TRAPPC9: variants seen among roughly 807,000 people sequenced by gnomAD.
The protein encoded by TRAPPC9 is IKK2 binding protein.
A neutral mutation model predicts 124.0 loss-of-function variants in TRAPPC9; 83 were observed. That is an observed-to-expected ratio of 0.67 (90% CI 0.56 to 0.80). The LOEUF (loss-of-function observed/expected upper bound fraction) is 0.80. TRAPPC9 is among the 30% of genes least tolerant of loss of function. The pLI is 0.00. For missense variants in TRAPPC9, 1,302 were observed against 1,508.3 expected (o/e 0.86, Z 2.27); for synonymous variants, 638 against 617.5 (o/e 1.03, Z -0.49).
At chr8:140,361,442 C>A (rs1423979255) in intron 8 of TRAPPC9, among the ~76,000 whole-genome samples, 1 of 152,156 alleles carries the variant, frequency 6.6e-6, no homozygotes, top group Non-Finnish European at 1.5e-5. Context: ...GAGAAGGGGG[C>A]CACGCCAAAC....
chr8:139,798,053 T>G (rs1042567551), intron 21 of TRAPPC9, among the ~76,000 whole-genome samples: 1 of 152,234 alleles, frequency 6.6e-6, no homozygotes, highest in East Asian at 1.9e-4. Flanking sequence ...AGCTGGGATT[T>G]TGACAGAGAT....
rs548802678 is a variant in TRAPPC9, at chr8:140,203,901, G to A, written c.2556+17558C>T. Among the ~76,000 whole-genome samples the A allele has an allele frequency of 2.0e-5, 3 of 152,300 alleles. No individual in the cohort carries two copies. The South Asian group carries it at 6.2e-4, about 32-fold the overall frequency. On this transcript the variant is annotated intron_variant, in intron 17 of 22. Transcript: ENST00000438773. The stretch of plus-strand genomic sequence containing the variant: ...AAGACTAAGAACATCAAGAAAACCC[G>A]AAAGCCCTCCACACAGACAAACTGC...
chr8:140,273,500 G>A lies in TRAPPC9; in HGVS notation c.2278+2158C>T, dbSNP rs1368224373. Among the ~76,000 whole-genome samples the A allele has an allele frequency of 3.9e-5, 6 of 152,170 alleles. No individual in the cohort carries two copies. In the East Asian group the frequency reaches 5.8e-4, roughly 15 times the overall value. On this transcript the variant is annotated intron_variant, in intron 15 of 22. Transcript: ENST00000438773. ...CCGTGTTTTTGTTATTGAAAATGCAGGTGAGGCTTGCAGTGAAGCCTTTCA... is the reference window on the plus strand; with the variant it reads ...CCGTGTTTTTGTTATTGAAAATGCAAGTGAGGCTTGCAGTGAAGCCTTTCA...
intron 19 of TRAPPC9, among the ~76,000 whole-genome samples, chr8:139,938,045 A>T (rs1192873901): frequency 1.3e-5 from 2 of 152,214 alleles, no homozygotes; most frequent in Non-Finnish European, 2.9e-5. Flanking sequence ...TTAATACTGA[A>T]AATGCCACAA....
At chr8:140,382,482 A>G (rs568464689) in intron 7 of TRAPPC9, among the ~76,000 whole-genome samples, 1 of 152,318 alleles carries the variant, frequency 6.6e-6, no homozygotes, top group South Asian at 2.1e-4. Context: ...ACGGCACACC[A>G]GGAGATTATA....
chr8:140,173,567 A>G (rs2062007945), intron 17 of TRAPPC9, among the ~76,000 whole-genome samples: 1 of 151,902 alleles, frequency 6.6e-6, no homozygotes, highest in African/African-American at 2.4e-5. Context: ...AAAAAAAAAA[A>G]AAAAAAATCT....
chr8:140,055,683 C>A (rs1842252063), intron 17 of TRAPPC9, among the ~76,000 whole-genome samples: 1 of 152,162 alleles, frequency 6.6e-6, no homozygotes, highest in Non-Finnish European at 1.5e-5. Flanking sequence ...AACATACAAA[C>A]ATTAGTTACA....
At chr8:139,733,143 G>T (rs1277247245) in intron 21 of TRAPPC9, among the ~76,000 whole-genome samples, 1 of 152,206 alleles carries the variant, frequency 6.6e-6, no homozygotes, top group Admixed American at 6.5e-5. Context: ...GGTCCCGATA[G>T]GAGCTCATTC....
At chr8:139,773,601 C>T (rs1821138878) in intron 21 of TRAPPC9, among the ~76,000 whole-genome samples, 3 of 152,258 alleles carry the variant, frequency 2.0e-5, no homozygotes, top group South Asian at 2.1e-4. Context: ...CACTCCCATG[C>T]CCCACGCCAG....
intron 14 of TRAPPC9, among the ~76,000 whole-genome samples, chr8:140,276,374 G>A (rs1438788158): frequency 6.6e-6 from 1 of 152,182 alleles, no homozygotes; most frequent in Non-Finnish European, 1.5e-5. Context: ...CGTCACATGA[G>A]GGCAGCTGGG....
intron 17 of TRAPPC9, among the ~76,000 whole-genome samples, chr8:140,158,847 A>G (rs1050543816): frequency 2.6e-5 from 4 of 152,182 alleles, no homozygotes; most frequent in African/African-American, 9.6e-5. Flanking sequence ...CTCTTCCCCT[A>G]AAGTTGGAAA....
At chr8:139,779,856 A>G (rs1821674895) in intron 21 of TRAPPC9, among the ~76,000 whole-genome samples, 1 of 152,198 alleles carries the variant, frequency 6.6e-6, no homozygotes, top group Non-Finnish European at 1.5e-5. Context: ...TACAAAAGTC[A>G]ATCGCTTTCC....
In TRAPPC9 at chr8:140,352,995, T is replaced by G. The variant is rs374475973; in HGVS notation, c.1495+7055A>C. ...GACATTGTTAGGCACTTCAGGTGTG[T>G]CATCTCCAATCCTTAAAACAATCCC... On this transcript the variant is annotated intron_variant, in intron 9 of 22. Coordinates refer to ENST00000438773, the MANE Select transcript of TRAPPC9 (RefSeq NM_001160372.4). Among the ~76,000 whole-genome samples, 12 of 152,310 alleles carry G rather than the reference T, an allele frequency of 7.9e-5. No homozygotes were observed. In the South Asian group the frequency reaches 2.1e-3, roughly 26 times the overall value.
chr8:139,961,105 G>A lies in TRAPPC9; in HGVS notation c.2810+27621C>T, dbSNP rs1246607612. Reference sequence around the variant, plus strand: ...CCCAACACAGAACGTCCTTCTCCTGGTATATGCTGAAGAGGAGGACAGCAG... The same window carrying A: ...CCCAACACAGAACGTCCTTCTCCTGATATATGCTGAAGAGGAGGACAGCAG... On this transcript the variant is annotated intron_variant, in intron 19 of 22. Coordinates refer to ENST00000438773, the MANE Select transcript of TRAPPC9 (RefSeq NM_001160372.4). Among the ~76,000 whole-genome samples, 2 of 124,762 alleles carry A rather than the reference G, an allele frequency of 1.6e-5. 1 individual carries two copies. The highest frequency in any genetic ancestry group is 3.8e-5 in the Non-Finnish European group (2 of 52,232). 81.8% of individuals were successfully genotyped at this position (124,762 alleles called of 152,430 possible). A position where few individuals can be genotyped will look rare whatever the true frequency, so the allele number is the denominator to read the frequency against.
intron 2 of TRAPPC9, among the ~76,000 whole-genome samples, chr8:140,442,896 A>G (rs1187117376): frequency 2.0e-5 from 3 of 151,994 alleles, no homozygotes; most frequent in African/African-American, 7.3e-5. Context: ...GCACTATGGG[A>G]GGCCGAGGCA....
intron 2 of TRAPPC9, among the ~76,000 whole-genome samples, chr8:140,445,070 C>A: frequency 6.6e-6 from 1 of 152,172 alleles, no homozygotes; most frequent in East Asian, 1.9e-4. Context: ...GAGCTCCGGA[C>A]TCACATCCGA....
chr8:140,094,056 A>G (rs1844757683), intron 17 of TRAPPC9, among the ~76,000 whole-genome samples: 1 of 152,088 alleles, frequency 6.6e-6, no homozygotes, highest in African/African-American at 2.4e-5. Flanking sequence ...ATGAGAGCAC[A>G]CCTAGACCAT....
At chr8:140,023,882 C>T (rs761712450) in intron 18 of TRAPPC9, 55 bp downstream of exon 18, 72 of 1,612,610 alleles carry the variant, frequency 4.5e-5, no homozygotes, top group Non-Finnish European at 5.9e-5. Context: ...GGATTCTGAA[C>T]GTAGTGCTGT....
intron 17 of TRAPPC9, among the ~76,000 whole-genome samples, chr8:140,044,506 C>T (rs1841464648): frequency 6.6e-6 from 1 of 152,206 alleles, no homozygotes; most frequent in African/African-American, 2.4e-5. Context: ...ACAGCCATGA[C>T]ACCACTGTAA....
Sources: gnomAD v4.1 joint callset for allele counts (sites outside exome capture counted in the v4.1 genomes callset) on GRCh38, gnomAD v4.1.1 for gene constraint, MANE v1.5 for transcripts, NCBI Gene and HGNC (gene_info 2026-07-23, HGNC 2026-07-21) for gene names.